PCDHGA10: variants seen among roughly 807,000 people sequenced by gnomAD.
PCDHGA10 encodes the protein protocadherin gamma subfamily A, 10, also known as protocadherin gamma-A10.
Under a neutral mutation model 59.5 loss-of-function variants are expected in PCDHGA10, and 42 were observed. That is an observed-to-expected ratio of 0.71 (90% CI 0.55 to 0.91). The LOEUF is 0.91. Ranked by LOEUF, PCDHGA10 falls within the 40% of genes least tolerant of loss-of-function variation. PCDHGA10 has a pLI of 0.00. For synonymous variants in PCDHGA10, 511 were observed against 517.2 expected, an observed-to-expected ratio of 0.99 and a Z score of 0.16; for missense variants, 1,111 against 1,198.2, an observed-to-expected ratio of 0.93 and a Z score of 1.07.
chr5:141,462,883 A>T (rs557432183), intron 1 of PCDHGA10, among the ~76,000 whole-genome samples: 9 of 152,230 alleles, frequency 5.9e-5, no homozygotes, highest in African/African-American at 2.2e-4. Context: ...GAACTATTGC[A>T]GTTTGTTTTG....
chr5:141,478,657 G>A, intron 1 of PCDHGA10: 2 of 1,551,912 alleles, frequency 1.3e-6, no homozygotes, highest in Non-Finnish European at 1.7e-6. Flanking sequence ...TCCTGGTGAT[G>A]CATTCACACT....
intron 1 of PCDHGA10, chr5:141,419,383 C>A (rs1354675466): frequency 6.2e-7 from 1 of 1,613,698 alleles, no homozygotes; most frequent in South Asian, 1.1e-5. Context: ...TGTCCGTGAG[C>A]GCGCAGAGCG....
At chr5:141,448,602 A>G (rs1350132402) in intron 1 of PCDHGA10, among the ~76,000 whole-genome samples, 1 of 152,154 alleles carries the variant, frequency 6.6e-6, no homozygotes, top group Non-Finnish European at 1.5e-5. Flanking sequence ...AAAATACTAT[A>G]CACCACTTTA....
chr5:141,415,513 G>A lies in PCDHGA10; in HGVS notation c.2338G>A (p.Ala780Thr). ...SHLIFPQPNY[A>T]DTLISQESCE... ...CCTGATCTTCCCCCAGCCCAATTAT[G>A]CGGACACGCTCATCAGCCAGGAGAG... The change falls in exon 1 of 4, where the codon GCG becomes ACG. Residue 780 changes from alanine (A) to threonine (T), a missense_variant. Transcript: ENST00000398610. 1 of 1,614,214 alleles carries A rather than the reference G, an allele frequency of 6.2e-7. No homozygotes were observed. The highest frequency in any genetic ancestry group is 2.2e-5 in the East Asian group (1 of 44,878).
In PCDHGA10 at chr5:141,476,445, T is replaced by G. The variant is rs2099391853; in HGVS notation, c.2437-18362T>G. 1 of 1,613,956 alleles carries G rather than the reference T, an allele frequency of 6.2e-7. No individual in the cohort carries two copies. The highest frequency in any genetic ancestry group is 1.7e-5 in the Admixed American group (1 of 60,008). The stretch of plus-strand genomic sequence containing the variant: ...CCCTCTTGCACTGTAACTCTGGAGT[T>G]GGTAGTGGAGAACCCGCTGGAGCTG... On this transcript the variant is annotated intron_variant, in intron 1 of 3. Coordinates refer to ENST00000398610, the MANE Select transcript of PCDHGA10 (RefSeq NM_018913.3). This position sits in a 1 kb window ranked among gnomAD's most constrained non-coding sequence, Gnocchi z 7.6.
In PCDHGA10 at chr5:141,489,574, C is replaced by T. The variant is rs963768096; in HGVS notation, c.2437-5233C>T. The T allele has an allele frequency of 2.5e-6, 4 of 1,613,978 alleles. No homozygotes were observed. The highest frequency in any genetic ancestry group is 3.4e-6 in the Non-Finnish European group (4 of 1,180,014). ...GCTGCCAGTGCAGGTGGTGACTGAA[C>T]ACCCCCTGGAGCTAATCCGTGTAGA... On this transcript the variant is annotated intron_variant, in intron 1 of 3. Coordinates refer to ENST00000398610, the MANE Select transcript of PCDHGA10 (RefSeq NM_018913.3). This position sits in a 1 kb window ranked among gnomAD's most constrained non-coding sequence, Gnocchi z 4.5.
chr5:141,450,220 G>A (rs898186696), intron 1 of PCDHGA10, among the ~76,000 whole-genome samples: 12 of 151,956 alleles, frequency 7.9e-5, no homozygotes, highest in African/African-American at 2.9e-4. Flanking sequence ...GTTTCACTAT[G>A]TTGGCCAGGC....
intron 1 of PCDHGA10, among the ~76,000 whole-genome samples, chr5:141,474,280 C>A (rs1490512371): frequency 6.6e-6 from 1 of 152,136 alleles, no homozygotes; most frequent in African/African-American, 2.4e-5. Context: ...CTCTGAATAA[C>A]CCACTAGATC....
rs563283218 is a variant in PCDHGA10, at chr5:141,431,573, G to A, written c.2436+15962G>A. On this transcript the variant is annotated intron_variant, in intron 1 of 3. Coordinates refer to ENST00000398610, the MANE Select transcript of PCDHGA10 (RefSeq NM_018913.3). This position sits in a 1 kb window ranked among gnomAD's most constrained non-coding sequence, Gnocchi z 4.8. ...AGTCAACGCTACCGACCCTGACGAA[G>A]GAGTCAATGCGGAAGTGAGGTATTC... 5.6e-6 allele frequency: 9 copies of A among 1,614,186 alleles called. No homozygotes were observed. The South Asian group carries it at 8.8e-5, about 16-fold the overall frequency.
At chr5:141,467,099 C>T (rs2099136810) in intron 1 of PCDHGA10, among the ~76,000 whole-genome samples, 1 of 149,976 alleles carries the variant, frequency 6.7e-6, no homozygotes, top group Admixed American at 6.7e-5. Context: ...GTCACACAGG[C>T]TGGAGTACAA....
intron 1 of PCDHGA10, chr5:141,430,853 C>A: frequency 6.3e-7 from 1 of 1,587,214 alleles, no homozygotes; most frequent in Non-Finnish European, 8.6e-7. Flanking sequence ...CACCCAGATA[C>A]GCTATTCAGT....
chr5:141,478,718 C>T, intron 1 of PCDHGA10: 1 of 1,544,994 alleles, frequency 6.5e-7, no homozygotes, highest in East Asian at 2.4e-5. Context: ...AGATGGTGGC[C>T]TGCCAGAGTG....
chr5:141,429,861 A>C (rs1483953460), intron 1 of PCDHGA10, among the ~76,000 whole-genome samples: 1 of 152,226 alleles, frequency 6.6e-6, no homozygotes, highest in Non-Finnish European at 1.5e-5. Flanking sequence ...TCTTTGGACT[A>C]CCAATTTTCT....
chr5:141,509,864 A>G (rs2099878667), intron 3 of PCDHGA10, among the ~76,000 whole-genome samples: 1 of 152,262 alleles, frequency 6.6e-6, no homozygotes, highest in East Asian at 1.9e-4. Context: ...GATAAGGTCC[A>G]AGCTGCTGGT....
rs142995927 is a variant in PCDHGA10, at chr5:141,489,933, C to T, written c.2437-4874C>T. 38 of 1,614,064 alleles carry T rather than the reference C, an allele frequency of 2.4e-5. No homozygotes were observed. The highest frequency in any genetic ancestry group is 1.8e-4 in the South Asian group (16 of 91,084). On this transcript the variant is annotated intron_variant, in intron 1 of 3. Transcript: ENST00000398610. This position sits in a 1 kb window ranked among gnomAD's most constrained non-coding sequence, Gnocchi z 4.5. ...CAGGGACCACCCTTATCTCTGTCAT[C>T]GTGCTGGACATCAATGATAATGCTC...
chr5:141,477,275 G>C lies in PCDHGA10; in HGVS notation c.2437-17532G>C, dbSNP rs1241603826. On this transcript the variant is annotated intron_variant, in intron 1 of 3. Transcript: ENST00000398610. This position sits in a 1 kb window ranked among gnomAD's most constrained non-coding sequence, Gnocchi z 4.9. ...CCTGGATGCTGGCGAGAACGGGCTG[G>C]TGACCTGCGAAGTTCCACCGGGTCT... The C allele has an allele frequency of 2.5e-6, 4 of 1,614,198 alleles. No individual in the cohort carries two copies. The South Asian group carries it at 4.4e-5, about 18-fold the overall frequency.
Position 141,431,428 on chromosome 5 carries a change from A to G in PCDHGA10, c.2436+15817A>G. The stretch of plus-strand genomic sequence containing the variant: ...CCGACGGGGGCGACCCGGTGCGCAC[A>G]GGCACCGCGCGCATCCGCGTGATGG... On this transcript the variant is annotated intron_variant, in intron 1 of 3. Transcript: ENST00000398610. This position sits in a 1 kb window ranked among gnomAD's most constrained non-coding sequence, Gnocchi z 4.8. The G allele has an allele frequency of 6.2e-7, 1 of 1,613,664 alleles. No individual in the cohort carries two copies. Among genetic ancestry groups the G allele is most frequent in the Non-Finnish European group, 8.5e-7 (1 of 1,179,998 alleles).
intron 2 of PCDHGA10, among the ~76,000 whole-genome samples, chr5:141,498,848 G>T (rs930895553): frequency 6.6e-6 from 1 of 151,908 alleles, no homozygotes; most frequent in African/African-American, 2.4e-5. Context: ...CAGGGGAATC[G>T]CTTGAACCCA....
chr5:141,423,929 G>C, intron 1 of PCDHGA10: 1 of 1,236,074 alleles, frequency 8.1e-7, no homozygotes, highest in East Asian at 3.5e-5. Flanking sequence ...TGCTGGTTTG[G>C]TTTGAAGTAA....
Sources: gnomAD v4.1 joint callset for allele counts (sites outside exome capture counted in the v4.1 genomes callset) on GRCh38, gnomAD v4.1.1 for gene constraint, Gnocchi (gnomAD v3.1) non-coding constraint, MANE v1.5 for transcripts, NCBI Gene and HGNC (gene_info 2026-07-23, HGNC 2026-07-21) for gene names.